The following SLC49A3 variants were observed in gnomAD, a reference collection of about 807,000 sequenced individuals.
SLC49A3 encodes the protein solute carrier family 49 member A3.
In SLC49A3, 50 loss-of-function variants were observed where a neutral mutation model predicts 43.8. The ratio of observed to expected loss-of-function variants is 1.14; its 90% CI spans 0.91 to 1.45. The LOEUF is 1.45. SLC49A3 is among the 40% of genes most tolerant of loss of function. The pLI, the probability that SLC49A3 is intolerant of heterozygous loss-of-function variation, is 0.00. For missense variants in SLC49A3, 906 were observed against 774.1 expected, an observed-to-expected ratio of 1.17 and a Z score of -2.02; for synonymous variants, 413 against 352.0, an observed-to-expected ratio of 1.17 and a Z score of -1.94.
intron 1 of SLC49A3, 81 bp downstream of exon 1, chr4:688,912 C>A (rs1741571679): frequency 1.3e-6 from 2 of 1,500,070 alleles, no homozygotes; most frequent in Non-Finnish European, 1.8e-6. Flanking sequence ...GCACCTCGGG[C>A]TGTGGCCACA....
downstream of SLC49A3, chr4:677,031 C>A: frequency 1.6e-6 from 1 of 623,222 alleles, no homozygotes; most frequent in Non-Finnish European, 2.0e-6. Flanking sequence ...GCCTTGCAGA[C>A]ACGGTGGCGC....
At chr4:687,411 C>G (rs1741269254) in intron 1 of SLC49A3, 1 of 152,382 alleles carries the variant, frequency 6.6e-6, no homozygotes, top group Non-Finnish European at 1.5e-5. Context: ...AGGTCTGACT[C>G]AGCCCACGGG....
chr4:680,982 G>A, downstream of SLC49A3: 1 of 1,205,040 alleles, frequency 8.3e-7, no homozygotes, highest in Non-Finnish European at 1.2e-6. Context: ...CGGGAAGGGC[G>A]GGAGTGCAGT....
At chr4:682,703 C>A in intron 9 of SLC49A3, 78 bp downstream of exon 9, 1 of 1,235,304 alleles carries the variant, frequency 8.1e-7, no homozygotes, top group Non-Finnish European at 1.1e-6. Context: ...ACGTAGGGTT[C>A]ACCTGTCCCG....
chr4:678,044 G>T (rs748216275), downstream of SLC49A3: 5 of 1,613,180 alleles, frequency 3.1e-6, no homozygotes, highest in Non-Finnish European at 3.4e-6. Flanking sequence ...GCAGGCCGCC[G>T]TGCATGCCTG....
At chr4:683,394 C>T (rs779859415) in intron 7 of SLC49A3, 27 bp from the exon 8 acceptor site, 1 of 1,599,498 alleles carries the variant, frequency 6.3e-7, no homozygotes, top group Non-Finnish European at 8.5e-7. Context: ...GGCAGGCAGA[C>T]AGGTGGAGGG....
intron 1 of SLC49A3, among the ~76,000 whole-genome samples, chr4:688,415 C>T (rs901204688): frequency 2.6e-5 from 4 of 152,220 alleles, no homozygotes; most frequent in Non-Finnish European, 5.9e-5. Context: ...AGCTGTGGGT[C>T]CTGCTGCCAA....
downstream of SLC49A3, chr4:678,892 G>A (rs28531889): frequency 4.0e-3 from 6,399 of 1,609,060 alleles, 197 homozygotes; most frequent in African/African-American, 0.074. Flanking sequence ...CTGAGGAACC[G>A]GGAGCAGGGG....
chr4:686,762 C>T (rs1335993412), intron 1 of SLC49A3, 72 bp from the exon 2 acceptor site: 6 of 1,545,000 alleles, frequency 3.9e-6, no homozygotes, highest in African/African-American at 1.4e-5. Context: ...CCAGCCAGCC[C>T]GAGGGGGTCA....
At chr4:682,466 C>T (rs1302183613) in intron 9 of SLC49A3, 90 bp from the exon 10 acceptor site, 3 of 1,241,052 alleles carry the variant, frequency 2.4e-6, no homozygotes, top group African/African-American at 1.5e-5. Flanking sequence ...GACCCCACTA[C>T]CCTTGACCAC....
At chr4:676,961 G>A (rs761492892), downstream of SLC49A3, 10 of 983,046 alleles carry the variant, frequency 1.0e-5, no homozygotes, top group African/African-American at 1.7e-5. Context: ...CTGTGACCAT[G>A]TGTCCCTCAG....
At chr4:680,408 T>TC, downstream of SLC49A3, 1 of 1,198,096 alleles carries the variant, frequency 8.3e-7, no homozygotes, top group Non-Finnish European at 1.2e-6. Flanking sequence ...GCTTGGAGTC[T>TC]CCCCCTGCTT....
chr4:682,257 C>A lies in SLC49A3; in HGVS notation c.1381G>T (p.Ala461Ser), dbSNP rs544018274. The change falls in exon 10 of 10, where the codon GCC becomes TCC. Residue 461 changes from alanine (A) to serine (S), a missense_variant. Ala to Ser is a moderately conservative substitution (Grantham distance 99, BLOSUM62 1). Coordinates refer to ENST00000322224, the MANE Select transcript of SLC49A3 (RefSeq NM_032219.4). ...ESGEPPSTRN[A>S]VGGADSGPGV... The stretch of plus-strand genomic sequence containing the variant: ...GGCCCTGAGTCTGCGCCGCCCACGG[C>A]GTTACGGGTGGAGGGGGGCTCCCCA... 1.4e-6 allele frequency: 2 copies of A among 1,380,216 alleles called. No homozygotes were observed. The highest frequency in any genetic ancestry group is 5.8e-5 in the Admixed American group (2 of 34,610). The allele number at this position is 1,380,216 out of a possible 1,614,324, so 85.5% of individuals were successfully genotyped here. A position where few individuals can be genotyped will look rare whatever the true frequency, so the allele number is the denominator to read the frequency against.
In SLC49A3 at chr4:684,709, C is replaced by A; in HGVS notation, c.723+10G>T. 1 of 1,608,862 alleles carries A rather than the reference C, an allele frequency of 6.2e-7. No homozygotes were observed. Among genetic ancestry groups the A allele is most frequent in the Non-Finnish European group, 8.5e-7 (1 of 1,178,074 alleles). On this transcript the variant is annotated intron_variant, in intron 5 of 9. Coordinates refer to ENST00000322224, the MANE Select transcript of SLC49A3 (RefSeq NM_032219.4). ...AATCCACCCTACCCCGGGGATCCCA[C>A]GGCACTGACCAGCTTGAGCCCATCC...
At chr4:680,971 G>A (rs532077952), downstream of SLC49A3, 86 of 1,142,208 alleles carry the variant, frequency 7.5e-5, no homozygotes, top group African/African-American at 1.2e-3. Context: ...CCACACTCCA[G>A]CGGGAAGGGC....
At position 682,382 on chromosome 4, in the gene SLC49A3, G is replaced by A. The variant is rs780384979; in HGVS notation, c.1262-6C>T. ...GGCCATCAGCAGCAGAGACACTGGG[G>A]ACACATAGCACAGCTGTCCCCACAG... On this transcript the variant is annotated splice_region_variant and splice_polypyrimidine_tract_variant and intron_variant, in intron 9 of 9. Coordinates refer to ENST00000322224, the MANE Select transcript of SLC49A3 (RefSeq NM_032219.4). 3.7e-5 allele frequency: 49 copies of A among 1,334,408 alleles called. No individual in the cohort carries two copies. Among genetic ancestry groups the A allele is most frequent in the East Asian group, 5.6e-5 (2 of 35,806 alleles). The allele number at this position is 1,334,408 out of a possible 1,614,324, so 82.7% of individuals were successfully genotyped here.
At chr4:676,881 C>T (rs1355812971), downstream of SLC49A3, 3 of 985,236 alleles carry the variant, frequency 3.0e-6, no homozygotes, top group Non-Finnish European at 3.6e-6. Flanking sequence ...TCCTCAACCT[C>T]AGGAGTCAGT....
At chr4:680,479 G>C, downstream of SLC49A3, 1 of 1,611,626 alleles carries the variant, frequency 6.2e-7, no homozygotes, top group Non-Finnish European at 8.5e-7. Flanking sequence ...CCACCCTGAC[G>C]GCCCTGGGCT....
At chr4:686,004 C>A in intron 3 of SLC49A3, 85 bp downstream of exon 3, 1 of 1,607,242 alleles carries the variant, frequency 6.2e-7, no homozygotes. Flanking sequence ...AGCTCCTCCA[C>A]CCTGGCCAGA....
Sources: gnomAD v4.1 joint callset for allele counts (sites outside exome capture counted in the v4.1 genomes callset) on GRCh38, gnomAD v4.1.1 for gene constraint, MANE v1.5 for transcripts, NCBI Gene and HGNC (gene_info 2026-07-23, HGNC 2026-07-21) for gene names.